The following MARCHF3 variants were observed in gnomAD, a reference collection of about 807,000 sequenced individuals.
MARCHF3 encodes the protein E3 ubiquitin-protein ligase MARCHF3.
In MARCHF3, 13 loss-of-function variants were observed where a neutral mutation model predicts 24.2. That is an observed-to-expected ratio of 0.54 (90% CI 0.35 to 0.85). The LOEUF (loss-of-function observed/expected upper bound fraction) is 0.85, where lower values mean the gene tolerates loss of function less well. Ranked by LOEUF, MARCHF3 falls within the 40% of genes least tolerant of loss-of-function variation. The pLI, the probability that MARCHF3 is intolerant of heterozygous loss-of-function variation, is 0.01. For synonymous variants in MARCHF3, 144 were observed against 137.3 expected, an observed-to-expected ratio of 1.05 and a Z score of -0.34; for missense variants, 276 against 325.0, an observed-to-expected ratio of 0.85 and a Z score of 1.16.
chr5:126,976,805 T>C (rs983007880), intron 1 of MARCHF3, among the ~76,000 whole-genome samples: 3 of 152,326 alleles, frequency 2.0e-5, no homozygotes, highest in East Asian at 1.9e-4. Flanking sequence ...GAGAGCCCCA[T>C]TGGGCCCTCC....
intron 1 of MARCHF3, among the ~76,000 whole-genome samples, chr5:126,987,484 T>A (rs1333357289): frequency 6.6e-6 from 1 of 152,226 alleles, no homozygotes; most frequent in Non-Finnish European, 1.5e-5. Flanking sequence ...CATGTCTGCC[T>A]GCCCCATGGG....
intron 1 of MARCHF3, among the ~76,000 whole-genome samples, chr5:126,958,199 C>T (rs1750511799): frequency 6.6e-6 from 1 of 152,050 alleles, no homozygotes; most frequent in South Asian, 2.1e-4. Flanking sequence ...TCTCTGCTTT[C>T]TGTTTCTTAG....
intron 3 of MARCHF3, among the ~76,000 whole-genome samples, chr5:126,899,635 A>T (rs1350754120): frequency 6.6e-6 from 1 of 152,132 alleles, no homozygotes; most frequent in Non-Finnish European, 1.5e-5. Flanking sequence ...CTGGCTTCTG[A>T]TAGGGTGCTG....
chr5:126,903,996 A>T (rs1754195441), intron 3 of MARCHF3, among the ~76,000 whole-genome samples: 2 of 125,768 alleles, frequency 1.6e-5, no homozygotes, highest in Non-Finnish European at 3.2e-5. Context: ...CCAGACTGTG[A>T]TGTTCCCCTC....
chr5:126,942,043 G>A (rs1749845758), intron 1 of MARCHF3, among the ~76,000 whole-genome samples: 1 of 152,162 alleles, frequency 6.6e-6, no homozygotes, highest in African/African-American at 2.4e-5. Flanking sequence ...GCTATCTTAA[G>A]AGACTGAAAA....
At chr5:126,966,270 C>T (rs1467447275) in intron 1 of MARCHF3, among the ~76,000 whole-genome samples, 3 of 152,006 alleles carry the variant, frequency 2.0e-5, no homozygotes, top group Admixed American at 1.3e-4. Flanking sequence ...ATGATGGTTA[C>T]GCAGGTGTAT....
chr5:127,002,988 G>A (rs1333139074), intron 1 of MARCHF3, among the ~76,000 whole-genome samples: 1 of 152,200 alleles, frequency 6.6e-6, no homozygotes, highest in East Asian at 1.9e-4. Flanking sequence ...GGAGAGGACA[G>A]GAAAGCAACA....
At chr5:127,017,125 G>A (rs1457449867) in intron 1 of MARCHF3, among the ~76,000 whole-genome samples, 1 of 152,132 alleles carries the variant, frequency 6.6e-6, no homozygotes, top group African/African-American at 2.4e-5. Context: ...GTGGTGGGGG[G>A]CTGGGGAGGG....
chr5:126,888,766 G>T (rs1483370205), intron 3 of MARCHF3, among the ~76,000 whole-genome samples: 1 of 152,118 alleles, frequency 6.6e-6, no homozygotes, highest in African/African-American at 2.4e-5. Context: ...TTCATACTGT[G>T]TGGTTTTTCT....
chr5:127,020,667 A>G (rs1752770749), intron 1 of MARCHF3, among the ~76,000 whole-genome samples: 1 of 152,084 alleles, frequency 6.6e-6, no homozygotes, highest in African/African-American at 2.4e-5. Flanking sequence ...ACTGAGCAAC[A>G]TGGTGAAACC....
At chr5:126,920,465 G>T (rs1343665347) in intron 1 of MARCHF3, among the ~76,000 whole-genome samples, 1 of 152,144 alleles carries the variant, frequency 6.6e-6, no homozygotes, top group African/African-American at 2.4e-5. Flanking sequence ...AAGAGCCAGG[G>T]GTGTATTGGC....
chr5:126,949,875 A>C (rs570387368), intron 1 of MARCHF3, among the ~76,000 whole-genome samples: 1 of 152,324 alleles, frequency 6.6e-6, no homozygotes, highest in African/African-American at 2.4e-5. Context: ...GAAGTAAAAG[A>C]GATAGCTTCT....
intron 3 of MARCHF3, among the ~76,000 whole-genome samples, chr5:126,913,976 C>CTTTT (rs1169856446): frequency 5.7e-4 from 62 of 107,912 alleles, no homozygotes; most frequent in Non-Finnish European, 7.2e-4. Context: ...CAATATCCAA[C>CTTTT]TTTTTTTTTT....
chr5:126,989,625 G>A (rs1417907737), intron 1 of MARCHF3, among the ~76,000 whole-genome samples: 2 of 152,256 alleles, frequency 1.3e-5, no homozygotes, highest in East Asian at 1.9e-4. Flanking sequence ...TCCCTCAGCT[G>A]GGGAGTGAGA....
At chr5:126,895,969 G>T (rs1052271939) in intron 3 of MARCHF3, among the ~76,000 whole-genome samples, 1 of 152,138 alleles carries the variant, frequency 6.6e-6, no homozygotes, top group South Asian at 2.1e-4. Flanking sequence ...GCGAGAATCC[G>T]TGGGTGTAGG....
intron 1 of MARCHF3, among the ~76,000 whole-genome samples, chr5:126,975,376 A>T (rs368540130): frequency 6.6e-6 from 1 of 152,234 alleles, no homozygotes; most frequent in African/African-American, 2.4e-5. Flanking sequence ...ACAAAATTAT[A>T]CATATTTCTG....
At chr5:126,969,610 G>A (rs1750932259) in intron 1 of MARCHF3, among the ~76,000 whole-genome samples, 1 of 152,214 alleles carries the variant, frequency 6.6e-6, no homozygotes, top group Non-Finnish European at 1.5e-5. Flanking sequence ...AGGATGGCAT[G>A]GATGGCTGCA....
chr5:126,915,758 G>C (rs1248256391), intron 2 of MARCHF3, among the ~76,000 whole-genome samples: 1 of 152,186 alleles, frequency 6.6e-6, no homozygotes, highest in African/African-American at 2.4e-5. Flanking sequence ...GTCCCACTGA[G>C]GTAGCCTCAG....
At chr5:126,959,518 A>G (rs1457281363) in intron 1 of MARCHF3, among the ~76,000 whole-genome samples, 1 of 152,158 alleles carries the variant, frequency 6.6e-6, no homozygotes, top group African/African-American at 2.4e-5. Flanking sequence ...CACAAAAAGA[A>G]TGTTAGGTAA....
Sources: allele counts gnomAD v4.1 joint callset (sites outside exome capture counted in the v4.1 genomes callset), GRCh38; gene constraint gnomAD v4.1.1; transcripts MANE v1.5; gene names NCBI Gene and HGNC (gene_info 2026-07-23, HGNC 2026-07-21).